ERG: variants seen among roughly 807,000 people sequenced by gnomAD.
ERG encodes the protein transcriptional regulator ERG.
A neutral mutation model predicts 55.3 loss-of-function variants in ERG; 9 were observed. The observed-to-expected ratio is 0.16, with a 90% CI of 0.10 to 0.28. The LOEUF is 0.28. Among genes scored for constraint, ERG ranks in the 10% least tolerant of loss-of-function variants. The pLI is 1.00. For missense variants in ERG, 434 were observed against 631.6 expected, an observed-to-expected ratio of 0.69 and a Z score of 3.35; for synonymous variants, 223 against 237.3, an observed-to-expected ratio of 0.94 and a Z score of 0.55.
chr21:38,538,827 G>A (rs75514278), intron 2 of ERG, among the ~76,000 whole-genome samples: 188 of 152,086 alleles, frequency 1.2e-3, no homozygotes, highest in Middle Eastern at 3.4e-3. Context: ...TGACCACCAA[G>A]AGAGCTACTG....
At chr21:38,533,751 G>T (rs529173994) in intron 2 of ERG, among the ~76,000 whole-genome samples, 23 of 152,292 alleles carry the variant, frequency 1.5e-4, no homozygotes, top group Middle Eastern at 6.8e-3. Context: ...GCCGCAAAGG[G>T]CGTAAACTAA....
chr21:38,470,099 T>C (rs981625765), intron 1 of ERG, among the ~76,000 whole-genome samples: 17 of 152,292 alleles, frequency 1.1e-4, no homozygotes, highest in Admixed American at 3.3e-4. Context: ...AGCTGCTGAA[T>C]GGATACACAT....
rs1555893759 is a variant in ERG, at chr21:38,402,728, A to AG, written c.593-92_593-91insC. ...CCTTTCTTACAAAAAAAAAAAAAAA[A>AG]AAAGAAAGAAAAAGAAAGAAAGAAA... On this transcript the variant is annotated intron_variant, in intron 4 of 9. Transcript: ENST00000288319. The AG allele has an allele frequency of 2.5e-5, 20 of 795,516 alleles. 1 individual carries two copies. The Admixed American group carries it at 2.8e-4, about 11-fold the overall frequency. The allele number at this position is 795,516 out of a possible 1,614,324, so 49.3% of individuals were successfully genotyped here.
rs190225698 is a variant in ERG, at chr21:38,656,570, T to A, written c.-150+5088A>T. Among the ~76,000 whole-genome samples, 5 of 152,332 alleles carry A rather than the reference T, an allele frequency of 3.3e-5. No individual in the cohort carries two copies. The South Asian group carries it at 1.0e-3, about 32-fold the overall frequency. On this transcript the variant is annotated intron_variant, in intron 1 of 10. Coordinates refer to the ERG transcript ENST00000398910. ...CGCTCCAATTTAGTCTTTCTTTTAC[T>A]TTCCAACTTTAAGTACTTTAGTGAG...
rs2059035856 is a variant in ERG, at chr21:38,460,880, G to C, written c.19-15259C>G. Among the ~76,000 whole-genome samples the C allele has an allele frequency of 6.6e-6, 1 of 152,198 alleles. No homozygotes were observed. The highest frequency in any genetic ancestry group is 2.1e-4 in the South Asian group (1 of 4,830). On this transcript the variant is annotated intron_variant, in intron 1 of 9. Transcript: ENST00000288319. The surrounding 1 kb of genome is among the most constrained non-coding windows in gnomAD (Gnocchi z 5.0). Reference sequence around the variant, plus strand: ...TGTCACTTCCTTTCTGCTTAGGAAGGAGACGTTTGGAAAAACTGTTCACTG... The same window carrying C: ...TGTCACTTCCTTTCTGCTTAGGAAGCAGACGTTTGGAAAAACTGTTCACTG...
chr21:38,430,064 T>G (rs1990135026), intron 2 of ERG, among the ~76,000 whole-genome samples: 1 of 151,068 alleles, frequency 6.6e-6, no homozygotes, highest in Admixed American at 6.6e-5. Context: ...CTTTTCACCA[T>G]ATCCATGCCA....
At chr21:38,462,142 G>C (rs1355404966) in intron 1 of ERG, among the ~76,000 whole-genome samples, 1 of 152,026 alleles carries the variant, frequency 6.6e-6, no homozygotes, top group Non-Finnish European at 1.5e-5. Context: ...CACCACGCCT[G>C]GCTAATTTTT....
chr21:38,624,572 G>A (rs1020022893), intron 1 of ERG, among the ~76,000 whole-genome samples: 3 of 152,190 alleles, frequency 2.0e-5, no homozygotes, highest in Admixed American at 1.3e-4. Context: ...GGTCTCCATA[G>A]AGCTCCTGTC....
chr21:38,606,280 T>A (rs1349498334), intron 1 of ERG, among the ~76,000 whole-genome samples: 1 of 152,126 alleles, frequency 6.6e-6, no homozygotes, highest in Non-Finnish European at 1.5e-5. Flanking sequence ...TGATAGATGA[T>A]TAGATGTATA....
At chr21:38,624,524 GT>G (rs1393850549) in intron 1 of ERG, among the ~76,000 whole-genome samples, 4 of 152,184 alleles carry the variant, frequency 2.6e-5, no homozygotes, top group Non-Finnish European at 5.9e-5. Flanking sequence ...CTTAGACACA[GT>G]TCATGCACCA....
intron 6 of ERG, among the ~76,000 whole-genome samples, chr21:38,398,287 T>C (rs1298223635): frequency 2.6e-5 from 4 of 151,314 alleles, no homozygotes; most frequent in Non-Finnish European, 4.4e-5. Context: ...CGCTTAGCAA[T>C]GGATGACCCG....
chr21:38,406,382 C>T (rs1176658011), intron 3 of ERG, among the ~76,000 whole-genome samples: 1 of 152,090 alleles, frequency 6.6e-6, no homozygotes, highest in East Asian at 1.9e-4. Flanking sequence ...TCAGATGACT[C>T]TTCGTCATTG....
chr21:38,398,021 A>G (rs1035516373), intron 6 of ERG, among the ~76,000 whole-genome samples: 2 of 152,162 alleles, frequency 1.3e-5, no homozygotes, highest in Non-Finnish European at 2.9e-5. Flanking sequence ...GCAAACCAAG[A>G]GTGGAGGAGA....
intron 3 of ERG, among the ~76,000 whole-genome samples, chr21:38,414,651 G>C (rs1311697493): frequency 6.6e-6 from 1 of 152,104 alleles, no homozygotes; most frequent in Non-Finnish European, 1.5e-5. Flanking sequence ...AGATTAAGTA[G>C]CTTCCCAGAT....
rs141901174 is a variant in ERG, at chr21:38,546,274, C to G, written c.-41+29388G>C. Among the ~76,000 whole-genome samples the G allele has an allele frequency of 5.5e-3, 839 of 152,260 alleles. 6 individuals carry two copies. The highest frequency in any genetic ancestry group is 9.2e-3 in the Non-Finnish European group (626 of 68,024). On this transcript the variant is annotated intron_variant, in intron 2 of 8. Coordinates refer to the ERG transcript ENST00000398897. ...TTACTTCTTTTTATCTTCCTCTACT[C>G]ACACAGAAGTGCTCCAATTATGAGG...
At chr21:38,538,926 G>A (rs1173895765) in intron 2 of ERG, among the ~76,000 whole-genome samples, 3 of 152,026 alleles carry the variant, frequency 2.0e-5, no homozygotes, top group Non-Finnish European at 4.4e-5. Context: ...AACAGAGACT[G>A]CCCAGGGCCT....
intron 1 of ERG, among the ~76,000 whole-genome samples, chr21:38,467,089 G>A (rs992463507): frequency 3.9e-5 from 6 of 152,196 alleles, no homozygotes; most frequent in South Asian, 2.1e-4. Flanking sequence ...ATCCAATCTC[G>A]GCCCTCAAGT....
At chr21:38,660,592 G>A (rs2060547339) in intron 1 of ERG, 1 of 152,224 alleles carries the variant, frequency 6.6e-6, no homozygotes, top group African/African-American at 2.4e-5. Context: ...CCGCGCCCGC[G>A]TGTGCCAGCG....
chr21:38,438,963 A>G (rs2058816080), intron 2 of ERG, among the ~76,000 whole-genome samples: 1 of 152,348 alleles, frequency 6.6e-6, no homozygotes, highest in East Asian at 1.9e-4. Flanking sequence ...ACAAGCTCCC[A>G]GGTGGAGGTG....
Sources: allele counts gnomAD v4.1 joint callset (sites outside exome capture counted in the v4.1 genomes callset), GRCh38; gene constraint gnomAD v4.1.1; non-coding constraint Gnocchi (gnomAD v3.1); transcripts MANE v1.5; gene names NCBI Gene and HGNC (gene_info 2026-07-23, HGNC 2026-07-21).